The following CSMD1 variants were observed in gnomAD, a reference collection of about 807,000 sequenced individuals.
CSMD1 encodes the protein CUB and Sushi multiple domains 1, also known as CUB and sushi domain-containing protein 1.
Under a neutral mutation model 417.5 loss-of-function variants are expected in CSMD1, and 213 were observed. The ratio of observed to expected loss-of-function variants is 0.51; its 90% confidence interval spans 0.46 to 0.57. The LOEUF (loss-of-function observed/expected upper bound fraction) is 0.57, where lower values mean the gene tolerates loss of function less well. Ranked by LOEUF, CSMD1 falls within the 20% of genes least tolerant of loss-of-function variation. The pLI is 0.00. For synonymous variants in CSMD1, 2,862 were observed against 1,736.8 expected (o/e 1.65, Z -16.11); for missense variants, 6,923 against 4,529.7 (o/e 1.53, Z -15.17).
At chr8:3,447,249 G>C (rs1815361416) in intron 12 of CSMD1, among the ~76,000 whole-genome samples, 1 of 151,992 alleles carries the variant, frequency 6.6e-6, no homozygotes, top group African/African-American at 2.4e-5. Flanking sequence ...ACAGAAAATA[G>C]CAGCACACTT....
chr8:3,663,946 G>C (rs1042534003), intron 7 of CSMD1, among the ~76,000 whole-genome samples: 60 of 152,178 alleles, frequency 3.9e-4, no homozygotes, highest in African/African-American at 1.4e-3. Context: ...GGGGTTCACA[G>C]AACCAAGGCT....
At chr8:3,583,660 G>T (rs992118592) in intron 9 of CSMD1, among the ~76,000 whole-genome samples, 2 of 151,988 alleles carry the variant, frequency 1.3e-5, no homozygotes, top group African/African-American at 4.8e-5. Flanking sequence ...ACAGGAATCA[G>T]GGCTGGGTGA....
intron 2 of CSMD1, among the ~76,000 whole-genome samples, chr8:4,501,141 C>T (rs1802240587): frequency 6.6e-6 from 1 of 151,972 alleles, no homozygotes; most frequent in Non-Finnish European, 1.5e-5. Context: ...AATGATATCT[C>T]ACATATATGT....
At chr8:4,431,047 C>G (rs192395110) in intron 2 of CSMD1, among the ~76,000 whole-genome samples, 1 of 152,064 alleles carries the variant, frequency 6.6e-6, no homozygotes, top group Non-Finnish European at 1.5e-5. Flanking sequence ...CAGAATAACT[C>G]GTGGAGTGTC....
At chr8:3,293,580 T>C (rs1040155871) in intron 25 of CSMD1, among the ~76,000 whole-genome samples, 10 of 152,238 alleles carry the variant, frequency 6.6e-5, no homozygotes, top group African/African-American at 2.4e-4. Context: ...ATTCATTTCA[T>C]CTTCCATCAC....
intron 50 of CSMD1, among the ~76,000 whole-genome samples, chr8:3,050,317 T>A (rs2128988367): frequency 6.6e-6 from 1 of 152,266 alleles, no homozygotes; most frequent in South Asian, 2.1e-4. Flanking sequence ...AATTAGTAGT[T>A]TTCACCTCAT....
chr8:4,341,175 T>C (rs575603521), intron 3 of CSMD1, among the ~76,000 whole-genome samples: 3 of 152,242 alleles, frequency 2.0e-5, no homozygotes, highest in South Asian at 4.1e-4. Flanking sequence ...GTTGATCATC[T>C]ATATTTGGGG....
At chr8:3,998,267 G>A (rs560285511) in intron 4 of CSMD1, among the ~76,000 whole-genome samples, 157 bp from the exon 5 acceptor site, 2 of 152,246 alleles carry the variant, frequency 1.3e-5, no homozygotes, top group East Asian at 3.9e-4. Context: ...ATGTTAATGA[G>A]TTCTATGAAA....
intron 10 of CSMD1, among the ~76,000 whole-genome samples, chr8:3,565,508 G>A (rs1815670339): frequency 6.6e-6 from 1 of 152,086 alleles, no homozygotes; most frequent in East Asian, 1.9e-4. Context: ...ATTTCAAAAT[G>A]TCTTAAACCA....
At chr8:4,308,244 T>G (rs138912919) in intron 3 of CSMD1, among the ~76,000 whole-genome samples, 27 of 150,176 alleles carry the variant, frequency 1.8e-4, no homozygotes, top group Non-Finnish European at 2.9e-4. Flanking sequence ...TCATGTATAG[T>G]TTTTTTTATG....
chr8:3,449,102 A>G (rs950873801), intron 12 of CSMD1, among the ~76,000 whole-genome samples: 1 of 152,244 alleles, frequency 6.6e-6, no homozygotes, highest in Non-Finnish European at 1.5e-5. Flanking sequence ...TGAGTTCTAC[A>G]CAGCACAAAG....
intron 2 of CSMD1, among the ~76,000 whole-genome samples, chr8:4,543,170 A>G (rs1000245067): frequency 6.6e-6 from 1 of 152,216 alleles, no homozygotes; most frequent in Non-Finnish European, 1.5e-5. Context: ...TCCATTATTG[A>G]CATTCTATTT....
At chr8:3,988,677 T>G (rs527687372) in intron 5 of CSMD1, among the ~76,000 whole-genome samples, 1 of 152,368 alleles carries the variant, frequency 6.6e-6, no homozygotes, top group South Asian at 2.1e-4. Context: ...CACATTTCAT[T>G]TTTACTAAGT....
Position 3,870,721 on chromosome 8 carries a change from C to T in CSMD1, c.819-116679G>A, listed in dbSNP as rs112511013. Among the ~76,000 whole-genome samples the T allele has an allele frequency of 6.1e-3, 935 of 152,120 alleles. 14 individuals are homozygous for T. The highest frequency in any genetic ancestry group is 0.022 in the African/African-American group (895 of 41,518). On this transcript the variant is annotated intron_variant, in intron 5 of 69. Transcript: ENST00000635120. ...TGATTTATATTCATTTATATATTCTCCTCTGTTAATGTCCTATGGCCATTT... is the reference window on the plus strand; with the variant it reads ...TGATTTATATTCATTTATATATTCTTCTCTGTTAATGTCCTATGGCCATTT...
At chr8:4,123,918 A>G (rs962473397) in intron 3 of CSMD1, among the ~76,000 whole-genome samples, 4 of 152,234 alleles carry the variant, frequency 2.6e-5, no homozygotes, top group African/African-American at 7.2e-5. Flanking sequence ...AATCTCTTAC[A>G]AAGAAGTTTC....
intron 3 of CSMD1, among the ~76,000 whole-genome samples, chr8:4,385,273 G>A (rs1438212): frequency 0.31 from 46,662 of 152,036 alleles, 7,171 homozygotes; most frequent in Middle Eastern, 0.37. Context: ...TATTCATCAG[G>A]CTTTCAAAAT....
In CSMD1 at chr8:4,728,458, G is replaced by A. The variant is rs183491009; in HGVS notation, c.86-90900C>T. ...ATTTCAGTCTTGTTACCAATTGAACGTATATTGCACAGCAGAGTGCTGCCA... is the reference window on the plus strand; with the variant it reads ...ATTTCAGTCTTGTTACCAATTGAACATATATTGCACAGCAGAGTGCTGCCA... On this transcript the variant is annotated intron_variant, in intron 1 of 69. Coordinates refer to ENST00000635120, the MANE Select transcript of CSMD1 (RefSeq NM_033225.6). Among the ~76,000 whole-genome samples, 831 of 152,070 alleles carry A rather than the reference G, an allele frequency of 5.5e-3. 11 individuals carry two copies. Among genetic ancestry groups the A allele is most frequent in the African/African-American group, 0.019 (797 of 41,496 alleles).
In CSMD1 at chr8:3,852,244, G is replaced by C. The variant is rs188773774; in HGVS notation, c.819-98202C>G. Among the ~76,000 whole-genome samples, 150 of 152,248 alleles carry C rather than the reference G, an allele frequency of 9.9e-4. 1 individual carries two copies. Among genetic ancestry groups the C allele is most frequent in the Non-Finnish European group, 1.9e-3 (129 of 68,020 alleles). Reference sequence around the variant, plus strand: ...AGGCGCAGGAACATGCACCAGATGTGGGGAGGTGGTAACCATCCTGTAGGC... The same window carrying C: ...AGGCGCAGGAACATGCACCAGATGTCGGGAGGTGGTAACCATCCTGTAGGC... On this transcript the variant is annotated intron_variant, in intron 5 of 69. Coordinates refer to ENST00000635120, the MANE Select transcript of CSMD1 (RefSeq NM_033225.6).
chr8:3,760,700 G>A (rs942109578), intron 5 of CSMD1, among the ~76,000 whole-genome samples: 9 of 152,190 alleles, frequency 5.9e-5, no homozygotes, highest in Middle Eastern at 6.8e-3. Context: ...TTTGGATATC[G>A]CTTTGTTTGA....
Sources: allele counts gnomAD v4.1 joint callset (sites outside exome capture counted in the v4.1 genomes callset), GRCh38; gene constraint gnomAD v4.1.1; transcripts MANE v1.5; gene names NCBI Gene and HGNC (gene_info 2026-07-23, HGNC 2026-07-21).